The following MYO5B variants were observed in gnomAD, a reference collection of about 807,000 sequenced individuals.
MYO5B encodes unconventional myosin-Vb.
A neutral mutation model predicts 229.3 loss-of-function variants in MYO5B; 143 were observed. The observed-to-expected ratio is 0.62, with a 90% CI of 0.54 to 0.72. The LOEUF is 0.72. Among genes scored for constraint, MYO5B ranks in the 30% least tolerant of loss-of-function variants. The probability of loss-of-function intolerance (pLI) is 0.00; values close to 1 mark genes in which losing one functional copy is unlikely to be tolerated. For missense variants in MYO5B, 2,321 were observed against 2,331.0 expected, an observed-to-expected ratio of 1.00 and a Z score of 0.09; for synonymous variants, 918 against 885.2, an observed-to-expected ratio of 1.04 and a Z score of -0.66.
chr18:49,979,569 T>C (rs937615968), intron 9 of MYO5B, among the ~76,000 whole-genome samples: 2 of 152,206 alleles, frequency 1.3e-5, no homozygotes, highest in African/African-American at 2.4e-5. Context: ...GTCCACTCAA[T>C]TGAATAAGCA....
At chr18:49,963,850 C>T (rs763679752) in intron 10 of MYO5B, among the ~76,000 whole-genome samples, 21 of 152,242 alleles carry the variant, frequency 1.4e-4, no homozygotes, top group South Asian at 4.1e-4. Context: ...GTGGTCTAGA[C>T]CTGGGAAGTG....
intron 17 of MYO5B, among the ~76,000 whole-genome samples, chr18:49,918,870 T>G (rs2025045765): frequency 6.6e-6 from 1 of 152,202 alleles, no homozygotes; most frequent in African/African-American, 2.4e-5. Flanking sequence ...GGAAGTGTAC[T>G]AGGGATGGAC....
intron 29 of MYO5B, among the ~76,000 whole-genome samples, chr18:49,858,042 CAAACCATCTGT>C (rs1416391541): frequency 6.6e-6 from 1 of 152,180 alleles, no homozygotes. Flanking sequence ...TCCCAGGGTG[CAAACCATCTGT>C]AAACCAAAAA....
chr18:50,127,026 A>T (rs1314837473), intron 1 of MYO5B, among the ~76,000 whole-genome samples: 1 of 152,298 alleles, frequency 6.6e-6, no homozygotes, highest in Non-Finnish European at 1.5e-5. Context: ...TTATTCTCAT[A>T]ATCATTATTA....
Position 49,826,535 on chromosome 18 carries a change from G to A in MYO5B, c.5483C>T (p.Ser1828Phe). The A allele has an allele frequency of 6.2e-7, 1 of 1,614,082 alleles. No individual in the cohort carries two copies. Among genetic ancestry groups the A allele is most frequent in the Non-Finnish European group, 8.5e-7 (1 of 1,179,938 alleles). The stretch of plus-strand genomic sequence containing the variant: ...GATGTGGATTGAGTCCATGGTTAGA[G>A]AAGATGGATTAAATGGAAACAAAAC... The part of the protein sequence containing the change: ...FPVLFPFNPS[S>F]LTMDSIHIPA... The change falls in exon 40 of 40, where the codon TCT (serine) becomes TTT (phenylalanine). Residue 1828 changes from serine (S) to phenylalanine (F), a missense_variant. Physicochemically the swap from Ser to Phe is radical, Grantham distance 155. Coordinates refer to ENST00000285039, the MANE Select transcript of MYO5B (RefSeq NM_001080467.3).
intron 14 of MYO5B, among the ~76,000 whole-genome samples, chr18:49,947,673 C>T (rs2025389535): frequency 1.3e-5 from 2 of 152,266 alleles, no homozygotes; most frequent in South Asian, 4.1e-4. Context: ...GCCACCCGGG[C>T]ATTTCTCACA....
chr18:49,936,252 T>C lies in MYO5B; in HGVS notation c.2003A>G (p.His668Arg), dbSNP rs760588422. Residue 668 changes from histidine to arginine, a missense_variant and splice_region_variant, in exon 16 of 40, where the codon CAC (histidine) becomes CGC (arginine). By Grantham distance (29) the His-to-Arg change is conservative. Transcript: ENST00000285039. Reference protein sequence around the residue: ...IKPNDEKLPFHFDPKRAVQQL... With the variant: ...IKPNDEKLPFRFDPKRAVQQL... ...AGGCTAATGCCCAGCAGGCACTTAC[T>C]GAAAGGGGAGCTTCTCATCGTTGGG... 2 of 1,590,042 alleles carry C rather than the reference T, an allele frequency of 1.3e-6. No individual in the cohort carries two copies. Among genetic ancestry groups the C allele is most frequent in the Non-Finnish European group, 1.7e-6 (2 of 1,166,788 alleles).
chr18:49,865,754 G>A lies in MYO5B; in HGVS notation c.3604-1374C>T, dbSNP rs183138721. Among the ~76,000 whole-genome samples the A allele has an allele frequency of 1.1e-3, 173 of 152,310 alleles. 3 individuals carry two copies. The highest frequency in any genetic ancestry group is 8.2e-3 in the Admixed American group (125 of 15,308). On this transcript the variant is annotated intron_variant, in intron 27 of 39. Transcript: ENST00000285039. ...GCTGTGTGCCTGTGCTGACAGCCAC[G>A]CCAGGCCCTACTCAGCTGTGAGATT...
intron 1 of MYO5B, among the ~76,000 whole-genome samples, chr18:50,157,244 T>C (rs964540160): frequency 3.3e-5 from 5 of 152,120 alleles, no homozygotes; most frequent in African/African-American, 1.2e-4. Flanking sequence ...TAGCTGGGAT[T>C]ACAGGTGCCT....
chr18:50,166,310 T>C (rs1408514846), intron 1 of MYO5B, among the ~76,000 whole-genome samples: 1 of 152,218 alleles, frequency 6.6e-6, no homozygotes, highest in Non-Finnish European at 1.5e-5. Flanking sequence ...CCTTAAGCAT[T>C]CTGTGCCCTG....
At chr18:50,013,349 C>A (rs1020231428) in intron 4 of MYO5B, among the ~76,000 whole-genome samples, 11 of 152,220 alleles carry the variant, frequency 7.2e-5, no homozygotes, top group African/African-American at 2.7e-4. Context: ...CAACTCCATG[C>A]CTCCACACAG....
At chr18:50,172,894 G>C (rs979703064) in intron 1 of MYO5B, among the ~76,000 whole-genome samples, 14 of 152,356 alleles carry the variant, frequency 9.2e-5, no homozygotes, top group African/African-American at 3.4e-4. Context: ...CAAAGACTGG[G>C]AAAGAACATC....
At chr18:50,143,207 CAG>C (rs1214763584) in intron 1 of MYO5B, among the ~76,000 whole-genome samples, 2 of 152,116 alleles carry the variant, frequency 1.3e-5, no homozygotes, top group African/African-American at 4.8e-5. Flanking sequence ...ACTCATAGGA[CAG>C]AGAGAGTAGT....
At chr18:50,088,072 T>A (rs932792900) in intron 1 of MYO5B, among the ~76,000 whole-genome samples, 7 of 152,114 alleles carry the variant, frequency 4.6e-5, no homozygotes, top group African/African-American at 1.7e-4. Flanking sequence ...AGAGACAGAA[T>A]TCATAGACCA....
rs181353150 is a variant in MYO5B at position 50,017,854 on chromosome 18, C to T, written c.456-16443G>A. On this transcript the variant is annotated intron_variant, in intron 4 of 39. Coordinates refer to ENST00000285039, the MANE Select transcript of MYO5B (RefSeq NM_001080467.3). Reference sequence around the variant, plus strand: ...ACCATTCATCATTAGACTGGTTTAACGTTCTTCACTCCCAGAAACGCCAGT... The same window carrying T: ...ACCATTCATCATTAGACTGGTTTAATGTTCTTCACTCCCAGAAACGCCAGT... Among the ~76,000 whole-genome samples, 28 of 152,310 alleles carry T rather than the reference C, an allele frequency of 1.8e-4. No homozygotes were observed. The East Asian group carries it at 3.1e-3, about 17-fold the overall frequency.
At chr18:49,832,517 C>T (rs1368918908) in intron 39 of MYO5B, among the ~76,000 whole-genome samples, 20 of 152,110 alleles carry the variant, frequency 1.3e-4, no homozygotes, top group Admixed American at 1.2e-3. Context: ...TCTTAAACCT[C>T]GAAACAGGCC....
intron 2 of MYO5B, among the ~76,000 whole-genome samples, chr18:50,049,851 A>G (rs1463042529): frequency 6.9e-6 from 1 of 143,930 alleles, no homozygotes; most frequent in Non-Finnish European, 1.5e-5. Context: ...ATGACAATAA[A>G]TTAGAGCTTC....
At position 50,036,845 on chromosome 18, in the gene MYO5B, C is replaced by A; in HGVS notation, c.455+5G>T. 2.5e-6 allele frequency: 4 copies of A among 1,614,106 alleles called. No homozygotes were observed. Among genetic ancestry groups the A allele is most frequent in the African/African-American group, 1.3e-5 (1 of 75,032 alleles). On this transcript the variant is annotated splice_donor_5th_base_variant and intron_variant, in intron 4 of 39. Coordinates refer to ENST00000285039, the MANE Select transcript of MYO5B (RefSeq NM_001080467.3). Reference sequence around the variant, plus strand: ...GGAGGACTTCTGGGCTGAGGACATTCTCACCTGGCCATCTGCTTGTAGGCT... The same window carrying A: ...GGAGGACTTCTGGGCTGAGGACATTATCACCTGGCCATCTGCTTGTAGGCT...
intron 14 of MYO5B, among the ~76,000 whole-genome samples, chr18:49,942,052 T>C (rs1279225550): frequency 8.0e-6 from 1 of 124,860 alleles, no homozygotes; most frequent in African/African-American, 3.2e-5. Flanking sequence ...AACCATCTGA[T>C]CTTTGACAAA....
Sources: allele counts gnomAD v4.1 joint callset (sites outside exome capture counted in the v4.1 genomes callset), GRCh38; gene constraint gnomAD v4.1.1; transcripts MANE v1.5; gene names NCBI Gene and HGNC (gene_info 2026-07-23, HGNC 2026-07-21).